Variants in GATAD2A observed in about 807,000 individuals in gnomAD.
GATAD2A encodes transcriptional repressor p66-alpha.
GATAD2A carries 12 observed loss-of-function variants against 68.5 expected under a neutral mutation model. The ratio of observed to expected loss-of-function variants is 0.18; its 90% CI spans 0.11 to 0.28. The LOEUF (loss-of-function observed/expected upper bound fraction) is 0.28, where lower values mean the gene tolerates loss of function less well. Among genes scored for constraint, GATAD2A ranks in the 10% least tolerant of loss-of-function variants. The pLI, the probability that GATAD2A is intolerant of heterozygous loss-of-function variation, is 1.00. For synonymous variants in GATAD2A, 410 were observed against 375.3 expected, an observed-to-expected ratio of 1.09 and a Z score of -1.07; for missense variants, 755 against 868.5, an observed-to-expected ratio of 0.87 and a Z score of 1.64.
chr19:19,447,345 T>C (rs1366535802), intron 1 of GATAD2A, among the ~76,000 whole-genome samples: 1 of 152,128 alleles, frequency 6.6e-6, no homozygotes, highest in Non-Finnish European at 1.5e-5. Context: ...GGCTGGATTA[T>C]GGTCAGGCCA....
intron 1 of GATAD2A, chr19:19,428,061 T>A (rs2053303258): frequency 6.6e-6 from 1 of 152,228 alleles, no homozygotes; most frequent in Non-Finnish European, 1.5e-5. Flanking sequence ...TTGGTATTTT[T>A]ATTTTATTTT....
chr19:19,410,239 T>C (rs2050758551), intron 1 of GATAD2A, among the ~76,000 whole-genome samples: 1 of 148,714 alleles, frequency 6.7e-6, no homozygotes. Flanking sequence ...CCGAGGATGC[T>C]GGAGGCTAGC....
chr19:19,484,724 G>A (rs1469833533), intron 2 of GATAD2A, among the ~76,000 whole-genome samples: 1 of 151,768 alleles, frequency 6.6e-6, no homozygotes, highest in Non-Finnish European at 1.5e-5. Context: ...TAGTAGAGAC[G>A]AGGTTTCACT....
At chr19:19,496,945 C>T (rs1229204904) in intron 7 of GATAD2A, among the ~76,000 whole-genome samples, 2 of 152,236 alleles carry the variant, frequency 1.3e-5, no homozygotes, top group Non-Finnish European at 2.9e-5. Context: ...GGCAGTGTCC[C>T]TGCCTGCTTT....
In GATAD2A at chr19:19,502,407, T is replaced by C; in HGVS notation, c.1655T>C (p.Leu552Pro). The C allele has an allele frequency of 6.2e-7, 1 of 1,613,696 alleles. No individual in the cohort carries two copies. The highest frequency in any genetic ancestry group is 8.5e-7 in the Non-Finnish European group (1 of 1,179,922). ...CACACGTTCAGTCCGTCACCCAAAC[T>C]GCAGAACTCAGCCTCGGCCACAGCC... is the stretch of plus-strand genomic sequence containing the variant. Reference protein sequence around the residue: ...VLHTFSPSPKLQNSASATALV... With the variant: ...VLHTFSPSPKPQNSASATALV... Residue 552 changes from leucine to proline, a missense_variant, in exon 11 of 12, where the codon CTG becomes CCG. Coordinates refer to ENST00000683918, the MANE Select transcript of GATAD2A (RefSeq NM_001384528.1).
intron 2 of GATAD2A, among the ~76,000 whole-genome samples, chr19:19,482,701 A>G (rs920432642): frequency 3.9e-5 from 6 of 152,202 alleles, no homozygotes; most frequent in African/African-American, 1.4e-4. Context: ...AGGAATGGCC[A>G]TCATAAAGGC....
intron 2 of GATAD2A, among the ~76,000 whole-genome samples, chr19:19,470,263 T>A (rs555849941): frequency 2.0e-5 from 3 of 150,912 alleles, no homozygotes; most frequent in African/African-American, 7.3e-5. Flanking sequence ...GCCTCTTGAG[T>A]AGCTGAGACT....
At position 19,390,855 on chromosome 19, in the gene GATAD2A, T is replaced by C. The variant is rs1306736878; in HGVS notation, c.-7+4717T>C. Among the ~76,000 whole-genome samples the C allele has an allele frequency of 5.3e-5, 8 of 152,188 alleles. No individual in the cohort carries two copies. In the East Asian group the frequency reaches 1.5e-3, roughly 29 times the overall value. On this transcript the variant is annotated intron_variant, in intron 1 of 11. Coordinates refer to the GATAD2A transcript ENST00000360315. The stretch of plus-strand genomic sequence containing the variant: ...ATTCTTTCATTGTAATAGATCAGAT[T>C]TGGGGACAAAAGACTGGGAAAGTGA...
rs1016360626 is a variant in GATAD2A at position 19,465,370 on chromosome 19, C to T, written c.25C>T (p.Arg9Trp). The T allele has an allele frequency of 8.7e-6, 14 of 1,613,772 alleles. No homozygotes were observed. Among genetic ancestry groups the T allele is most frequent in the Non-Finnish European group, 1.1e-5 (13 of 1,179,766 alleles). The change falls in exon 2 of 12, where the codon CGG becomes TGG. Residue 9 changes from arginine (R) to tryptophan (W), a missense_variant. Physicochemically the swap from Arg to Trp is moderately radical, Grantham distance 101. Transcript: ENST00000683918. MTEEACRTRSQKRALERDP... is the reference protein window; with the variant it reads MTEEACRTWSQKRALERDP... ...AATGACCGAAGAAGCATGCCGAACA[C>T]GGAGTCAGAAACGAGCGCTTGAACG...
At chr19:19,490,420 A>G (rs2148367712) in intron 2 of GATAD2A, among the ~76,000 whole-genome samples, 1 of 152,260 alleles carries the variant, frequency 6.6e-6, no homozygotes, top group East Asian at 1.9e-4. Context: ...GAGCAGAGTC[A>G]GGTTCTTCAT....
chr19:19,483,463 G>T (rs2059196810), intron 2 of GATAD2A, among the ~76,000 whole-genome samples: 1 of 152,192 alleles, frequency 6.6e-6, no homozygotes, highest in African/African-American at 2.4e-5. Context: ...CAGCCAAGAG[G>T]AGCTCAAGTT....
At chr19:19,469,450 A>G (rs976550387) in intron 2 of GATAD2A, among the ~76,000 whole-genome samples, 2 of 151,082 alleles carry the variant, frequency 1.3e-5, no homozygotes, top group African/African-American at 4.9e-5. Flanking sequence ...AGAAAAAAAG[A>G]TCATCAGAAT....
intron 2 of GATAD2A, among the ~76,000 whole-genome samples, chr19:19,487,083 A>G (rs907008425): frequency 6.6e-6 from 1 of 152,218 alleles, no homozygotes; most frequent in Non-Finnish European, 1.5e-5. Context: ...GCACCCTCAC[A>G]TGACAGGCTC....
intron 11 of GATAD2A, among the ~76,000 whole-genome samples, chr19:19,503,981 A>C (rs528799745): frequency 4.6e-5 from 7 of 152,198 alleles, no homozygotes; most frequent in Non-Finnish European, 7.3e-5. Flanking sequence ...CCGAGATGGG[A>C]GGATTGCTTG....
chr19:19,503,806 G>A (rs190410407), intron 11 of GATAD2A, among the ~76,000 whole-genome samples: 34 of 152,262 alleles, frequency 2.2e-4, no homozygotes, highest in African/African-American at 6.5e-4. Flanking sequence ...CGCCTGGCAG[G>A]ACCCAGTTGC....
At chr19:19,415,148 CTTTT>C (rs57295102) in intron 1 of GATAD2A, among the ~76,000 whole-genome samples, 1 of 126,334 alleles carries the variant, frequency 7.9e-6, no homozygotes. Flanking sequence ...GATGTCTTTA[CTTTT>C]TTTTTTTTTA....
intron 1 of GATAD2A, among the ~76,000 whole-genome samples, chr19:19,451,536 A>G (rs553445058): frequency 1.3e-5 from 2 of 152,348 alleles, no homozygotes; most frequent in African/African-American, 2.4e-5. Flanking sequence ...AGTAGAACCA[A>G]CACGCAAGGT....
In GATAD2A at chr19:19,506,617, T is replaced by TC. The variant is rs1297232873; in HGVS notation, c.*1143_*1144insC. ...GCTGTCAGGATTTGCTTTCAGACTT[T>TC]TTTTTTTTTTGTAATTCCCTTTAGA... On this transcript the variant is annotated 3_prime_UTR_variant, in exon 12 of 12. Transcript: ENST00000683918. The TC allele has an allele frequency of 3.9e-5, 6 of 153,396 alleles. No individual in the cohort carries two copies. In the East Asian group the frequency reaches 1.1e-3, roughly 29 times the overall value. The allele number at this position is 153,396 out of a possible 1,614,324, so 9.5% of individuals were successfully genotyped here. A position where few individuals can be genotyped will look rare whatever the true frequency, so the allele number is the denominator to read the frequency against.
intron 1 of GATAD2A, among the ~76,000 whole-genome samples, chr19:19,408,517 T>A (rs185676635): frequency 2.4e-3 from 359 of 152,188 alleles, no homozygotes; most frequent in Admixed American, 4.2e-3. Context: ...TTTTAGTGTC[T>A]CTGTATTTTG....
Sources: allele counts gnomAD v4.1 joint callset (sites outside exome capture counted in the v4.1 genomes callset), GRCh38; gene constraint gnomAD v4.1.1; transcripts MANE v1.5; gene names NCBI Gene and HGNC (gene_info 2026-07-23, HGNC 2026-07-21).